Variants in ZDHHC17 observed in about 807,000 individuals in gnomAD.
ZDHHC17 encodes palmitoyltransferase ZDHHC17.
ZDHHC17 carries 40 observed loss-of-function variants against 90.3 expected under a neutral mutation model. That is an observed-to-expected ratio of 0.44 (90% CI 0.34 to 0.58). The LOEUF is 0.58. Ranked by LOEUF, ZDHHC17 falls within the 20% of genes least tolerant of loss-of-function variation. ZDHHC17 has a pLI of 0.01. For synonymous variants in ZDHHC17, 235 were observed against 252.4 expected (o/e 0.93, Z 0.65); for missense variants, 614 against 780.8 (o/e 0.79, Z 2.55).
chr12:76,821,281 G>A (rs1000904214), intron 7 of ZDHHC17: 1 of 329,668 alleles, frequency 3.0e-6, no homozygotes, highest in Non-Finnish European at 5.1e-6. Flanking sequence ...AAGACTCCTA[G>A]ATTAGCCCAT....
In ZDHHC17 at chr12:76,796,980, C is replaced by G. The variant is rs1952826758; in HGVS notation, c.94-454C>G. Among the ~76,000 whole-genome samples, 3 of 151,408 alleles carry G rather than the reference C, an allele frequency of 2.0e-5. No homozygotes were observed. The South Asian group carries it at 6.3e-4, about 32-fold the overall frequency. ...AAGCTTTTTCCCTAAAGAGTGTAGA[C>G]TTGGCCGGGCATGGTGGCTTATGCC... is the stretch of plus-strand genomic sequence containing the variant. On this transcript the variant is annotated intron_variant, in intron 1 of 16. Coordinates refer to ENST00000426126, the MANE Select transcript of ZDHHC17 (RefSeq NM_015336.4).
chr12:76,814,259 T>G (rs1468333215), intron 5 of ZDHHC17, among the ~76,000 whole-genome samples: 1 of 151,814 alleles, frequency 6.6e-6, no homozygotes, highest in Non-Finnish European at 1.5e-5. Flanking sequence ...TTAGTTATAA[T>G]TTGCTAAAAA....
At chr12:76,845,319 A>G (rs1182773534) in intron 12 of ZDHHC17, 1 of 152,458 alleles carries the variant, frequency 6.6e-6, no homozygotes, top group African/African-American at 2.4e-5. Flanking sequence ...AAAAACACCA[A>G]TATCATGACC....
chr12:76,771,541 A>G (rs931781315), intron 1 of ZDHHC17, among the ~76,000 whole-genome samples: 3 of 152,184 alleles, frequency 2.0e-5, no homozygotes, highest in African/African-American at 4.8e-5. Flanking sequence ...TTGTGTATAT[A>G]TGTCAGATGG....
chr12:76,785,994 A>C (rs1280414862), intron 1 of ZDHHC17, among the ~76,000 whole-genome samples: 3 of 152,210 alleles, frequency 2.0e-5, no homozygotes, highest in Non-Finnish European at 2.9e-5. Flanking sequence ...CATTTGTGAT[A>C]ATATTAATAC....
intron 13 of ZDHHC17, chr12:76,846,233 T>C (rs966443901): frequency 4.0e-6 from 1 of 249,076 alleles, no homozygotes; most frequent in Non-Finnish European, 7.7e-6. Context: ...ACAGGAAACA[T>C]TACAAAGATT....
intron 3 of ZDHHC17, among the ~76,000 whole-genome samples, chr12:76,805,807 G>A (rs1393281531): frequency 1.3e-5 from 2 of 152,192 alleles, no homozygotes; most frequent in Non-Finnish European, 2.9e-5. Flanking sequence ...CCTGAACTCA[G>A]GCAGTCTGAC....
At chr12:76,819,229 A>G (rs1380754629) in intron 7 of ZDHHC17, among the ~76,000 whole-genome samples, 1 of 152,212 alleles carries the variant, frequency 6.6e-6, no homozygotes, top group Non-Finnish European at 1.5e-5. Context: ...GTAATATTTA[A>G]TTTGAAGTGG....
Position 76,848,272 on chromosome 12 carries a change from G to T in ZDHHC17, c.1547G>T (p.Gly516Val). The T allele has an allele frequency of 6.2e-7, 1 of 1,613,892 alleles. No homozygotes were observed. Among genetic ancestry groups the T allele is most frequent in the Non-Finnish European group, 8.5e-7 (1 of 1,179,842 alleles). ...LHCETTYTKD[G>V]FWTYITQIAT... ...TGTGAGACCACTTACACCAAGGATG[G>T]ATTTTGGACATACATTACTCAGATT... The change falls in exon 15 of 17, where the codon GGA becomes GTA. Residue 516 changes from glycine (G) to valine (V), a missense_variant. Gly to Val is a moderately radical substitution (Grantham distance 109). Transcript: ENST00000426126.
intron 1 of ZDHHC17, among the ~76,000 whole-genome samples, chr12:76,795,217 G>GAT (rs533166205): frequency 1.3e-5 from 2 of 148,636 alleles, no homozygotes; most frequent in Non-Finnish European, 3.0e-5. Context: ...TTGGTTCATG[G>GAT]GTGTGTGTGT....
At position 76,809,131 on chromosome 12, in the gene ZDHHC17, G is replaced by A. The variant is rs1592479637; in HGVS notation, c.398+11G>A. 2.0e-6 allele frequency: 3 copies of A among 1,521,864 alleles called. No individual in the cohort carries two copies. The highest frequency in any genetic ancestry group is 2.6e-6 in the Non-Finnish European group (3 of 1,139,736). The allele number at this position is 1,521,864 out of a possible 1,614,324, so 94.3% of individuals were successfully genotyped here. ...GCACTGGGCCACAAGGTTTAAATTT[G>A]CTTCTGGATTTTTTTCCTTTGGTTC... On this transcript the variant is annotated intron_variant, in intron 4 of 16. Transcript: ENST00000426126.
chr12:76,776,590 C>T (rs1952563712), intron 1 of ZDHHC17, among the ~76,000 whole-genome samples: 1 of 152,100 alleles, frequency 6.6e-6, no homozygotes, highest in Non-Finnish European at 1.5e-5. Flanking sequence ...ACGATCTTCC[C>T]TATTCTTTGT....
intron 1 of ZDHHC17, among the ~76,000 whole-genome samples, chr12:76,776,039 A>C (rs1322679688): frequency 6.6e-6 from 1 of 151,988 alleles, no homozygotes; most frequent in East Asian, 1.9e-4. Flanking sequence ...ATTCCCATTA[A>C]ACTTTTTTTC....
At chr12:76,783,072 A>G in intron 1 of ZDHHC17, among the ~76,000 whole-genome samples, 1 of 152,296 alleles carries the variant, frequency 6.6e-6, no homozygotes, top group South Asian at 2.1e-4. Context: ...GGCTCAGAGG[A>G]GGCTGACTAA....
At chr12:76,799,211 A>T (rs137983717) in intron 2 of ZDHHC17, among the ~76,000 whole-genome samples, 13 of 152,142 alleles carry the variant, frequency 8.5e-5, no homozygotes, top group African/African-American at 2.9e-4. Context: ...TTTCCTTAGG[A>T]TGTGTATTTT....
At chr12:76,806,012 AT>A (rs1359798765) in intron 3 of ZDHHC17, among the ~76,000 whole-genome samples, 1 of 152,236 alleles carries the variant, frequency 6.6e-6, no homozygotes, top group African/African-American at 2.4e-5. Context: ...TAGTTAGATA[AT>A]CAAGAGTCAG....
chr12:76,822,665 G>A lies in ZDHHC17; in HGVS notation c.897+134G>A, dbSNP rs556710128. 58 of 682,686 alleles carry A rather than the reference G, an allele frequency of 8.5e-5. No homozygotes were observed. In the South Asian group the frequency reaches 1.0e-3, roughly 12 times the overall value. The allele number at this position is 682,686 out of a possible 1,614,324, so 42.3% of individuals were successfully genotyped here. On this transcript the variant is annotated intron_variant, in intron 8 of 16. Coordinates refer to ENST00000426126, the MANE Select transcript of ZDHHC17 (RefSeq NM_015336.4). ...TGCCTCTCGGTTTAAAGTGATTCTT[G>A]TGCCTCAGCCTCCTGAGTAGCTGGG...
intron 12 of ZDHHC17, 62 bp downstream of exon 12, chr12:76,843,043 C>T (rs1410886305): frequency 7.5e-6 from 10 of 1,341,068 alleles, no homozygotes; most frequent in East Asian, 2.4e-5. Context: ...CATAGCATAG[C>T]GGGTATGGGG....
chr12:76,820,268 G>C (rs1437762653), intron 7 of ZDHHC17, among the ~76,000 whole-genome samples: 1 of 152,038 alleles, frequency 6.6e-6, no homozygotes, highest in Non-Finnish European at 1.5e-5. Flanking sequence ...CTAGATAATA[G>C]CTACATGAAA....
Sources: gnomAD v4.1 joint callset for allele counts (sites outside exome capture counted in the v4.1 genomes callset) on GRCh38, gnomAD v4.1.1 for gene constraint, MANE v1.5 for transcripts, NCBI Gene and HGNC (gene_info 2026-07-23, HGNC 2026-07-21) for gene names.